Variants in CCNY observed in about 807,000 individuals in gnomAD.
The protein encoded by CCNY is cyclin Y.
In CCNY, 19 loss-of-function variants were observed where a neutral mutation model predicts 42.8. That is an observed-to-expected ratio of 0.44 (90% CI 0.31 to 0.65). CCNY has a LOEUF of 0.65. Among genes scored for constraint, CCNY ranks in the 30% least tolerant of loss-of-function variants. CCNY has a pLI of 0.07. For missense variants in CCNY, 370 were observed against 437.3 expected (o/e 0.85, Z 1.37); for synonymous variants, 165 against 162.7 (o/e 1.01, Z -0.11).
intron 1 of CCNY, among the ~76,000 whole-genome samples, chr10:35,462,239 A>G (rs1255677434): frequency 6.6e-6 from 1 of 152,248 alleles, no homozygotes; most frequent in East Asian, 1.9e-4. Context: ...GTTTCTTCAA[A>G]GCAGCCATGT....
At chr10:35,401,729 T>C (rs1293129246) in intron 1 of CCNY, among the ~76,000 whole-genome samples, 6 of 152,110 alleles carry the variant, frequency 3.9e-5, no homozygotes, top group Non-Finnish European at 8.8e-5. Context: ...TTAGTTCTTA[T>C]AGGTTTTGGG....
intron 7 of CCNY, among the ~76,000 whole-genome samples, chr10:35,539,388 A>C (rs114176560): frequency 1.3e-5 from 2 of 152,192 alleles, no homozygotes; most frequent in Non-Finnish European, 2.9e-5. Context: ...TAAGCATTCA[A>C]ATCTCTTCTA....
intron 1 of CCNY, among the ~76,000 whole-genome samples, chr10:35,438,414 C>A (rs1259099021): frequency 6.6e-6 from 1 of 152,146 alleles, no homozygotes; most frequent in Non-Finnish European, 1.5e-5. Flanking sequence ...CCTCAGCCTT[C>A]CAAAGTGCCC....
intron 3 of CCNY, among the ~76,000 whole-genome samples, chr10:35,318,342 C>T (rs565628740): frequency 1.3e-5 from 2 of 152,134 alleles, no homozygotes; most frequent in South Asian, 2.1e-4. Flanking sequence ...ACCCACCTAC[C>T]CATGTGCAAC....
intron 1 of CCNY, among the ~76,000 whole-genome samples, chr10:35,444,726 A>G (rs555126141): frequency 3.3e-5 from 5 of 152,248 alleles, no homozygotes; most frequent in Admixed American, 6.5e-5. Flanking sequence ...TACGCAGTGC[A>G]TGACTGAATT....
intron 1 of CCNY, among the ~76,000 whole-genome samples, chr10:35,465,773 G>A (rs555844511): frequency 8.7e-4 from 132 of 152,218 alleles, no homozygotes; most frequent in African/African-American, 3.0e-3. Context: ...TCTGCGTGAG[G>A]CCCGTCGAAA....
chr10:35,407,544 A>G (rs1325490313), intron 1 of CCNY, among the ~76,000 whole-genome samples: 5 of 152,120 alleles, frequency 3.3e-5, no homozygotes, highest in African/African-American at 9.7e-5. Context: ...AATTATTTAG[A>G]TCTTGTAGGA....
chr10:35,455,827 A>ATTTTTTT (rs1564417870), intron 1 of CCNY, among the ~76,000 whole-genome samples: 12 of 80,422 alleles, frequency 1.5e-4, no homozygotes, highest in African/African-American at 2.3e-4. Context: ...TTTTTTTTTA[A>ATTTTTTT]AAAAAGAAAA....
At position 35,286,492 on chromosome 10, in the gene CCNY, C is replaced by T. The variant is rs540074337; in HGVS notation, c.-9+35866C>T. On this transcript the variant is annotated intron_variant, in intron 3 of 11. Coordinates refer to the CCNY transcript ENST00000374706. ...TCCTGCCTCAGCCGCCCAAGTACCT[C>T]GGATTACAGGCACCCTCCACCGTGC... 4.6e-5 allele frequency among the ~76,000 whole-genome samples: 7 copies of T among 151,630 alleles called. No homozygotes were observed. The South Asian group carries it at 8.3e-4, about 18-fold the overall frequency.
intron 3 of CCNY, among the ~76,000 whole-genome samples, chr10:35,306,303 G>A (rs563821725): frequency 7.2e-4 from 109 of 152,310 alleles, no homozygotes; most frequent in African/African-American, 2.4e-3. Flanking sequence ...CCAAAGTGCT[G>A]GGATTACAGG....
chr10:35,406,808 A>G (rs935641677), intron 1 of CCNY, among the ~76,000 whole-genome samples: 7 of 151,874 alleles, frequency 4.6e-5, no homozygotes, highest in African/African-American at 9.7e-5. Flanking sequence ...AGGGGCGGCC[A>G]GGCAGAGGCG....
chr10:35,409,209 C>T (rs1837850544), intron 1 of CCNY, among the ~76,000 whole-genome samples: 2 of 152,214 alleles, frequency 1.3e-5, no homozygotes, highest in Non-Finnish European at 2.9e-5. Flanking sequence ...TTGCCAGCTG[C>T]CTTACCAGGC....
intron 1 of CCNY, among the ~76,000 whole-genome samples, chr10:35,384,023 C>G (rs1237755336): frequency 1.3e-5 from 2 of 152,008 alleles, no homozygotes; most frequent in Non-Finnish European, 2.9e-5. Context: ...AACACATTTT[C>G]TGATGATGTT....
In CCNY at chr10:35,501,554, C is replaced by G; in HGVS notation, c.264+19C>G. ...TAACCATGTAAGTGAAGCTGTCTCC[C>G]TGTGTTCTTCATAATGACTGTACAG... On this transcript the variant is annotated intron_variant, in intron 3 of 9. Coordinates refer to ENST00000374704, the MANE Select transcript of CCNY (RefSeq NM_145012.6). The G allele has an allele frequency of 6.2e-7, 1 of 1,608,500 alleles. No homozygotes were observed. The highest frequency in any genetic ancestry group is 8.5e-7 in the Non-Finnish European group (1 of 1,174,806).
chr10:35,557,118 T>C (rs1458524802), intron 8 of CCNY, among the ~76,000 whole-genome samples: 1 of 152,208 alleles, frequency 6.6e-6, no homozygotes, highest in Non-Finnish European at 1.5e-5. Context: ...TGAAAATTTT[T>C]ATCCCAAGTT....
chr10:35,280,933 C>T (rs61843268), intron 3 of CCNY, among the ~76,000 whole-genome samples: 139 of 152,140 alleles, frequency 9.1e-4, no homozygotes, highest in Admixed American at 2.3e-3. Context: ...AAAAAATGGG[C>T]AAAGGATCTG....
At chr10:35,363,030 C>T (rs1418445539) in intron 1 of CCNY, among the ~76,000 whole-genome samples, 2 of 128,544 alleles carry the variant, frequency 1.6e-5, no homozygotes, top group Non-Finnish European at 3.3e-5. Flanking sequence ...TGGTGGGCCG[C>T]CGGCGGCCGG....
At chr10:35,367,580 A>G (rs945596241) in intron 1 of CCNY, among the ~76,000 whole-genome samples, 5 of 152,218 alleles carry the variant, frequency 3.3e-5, no homozygotes, top group African/African-American at 1.2e-4. Flanking sequence ...GGACAGGTTA[A>G]ACCTCTCTGG....
chr10:35,516,208 A>C (rs1840422988), intron 3 of CCNY, among the ~76,000 whole-genome samples: 2 of 152,236 alleles, frequency 1.3e-5, no homozygotes, highest in African/African-American at 4.8e-5. Flanking sequence ...CCCATGTTTC[A>C]TACAAGCCAT....
Sources: allele counts gnomAD v4.1 joint callset (sites outside exome capture counted in the v4.1 genomes callset), GRCh38; gene constraint gnomAD v4.1.1; transcripts MANE v1.5; gene names NCBI Gene and HGNC (gene_info 2026-07-23, HGNC 2026-07-21).